Variants in PRKCA observed in about 807,000 individuals in gnomAD.
PRKCA encodes protein kinase C alpha type.
PRKCA carries 27 observed loss-of-function variants against 87.0 expected under a neutral mutation model. The ratio of observed to expected loss-of-function variants is 0.31; its 90% CI spans 0.23 to 0.43. The LOEUF is 0.43. PRKCA is among the 20% of genes least tolerant of loss of function. The pLI is 1.00. For missense variants in PRKCA, 518 were observed against 852.3 expected, an observed-to-expected ratio of 0.61 and a Z score of 4.88; for synonymous variants, 329 against 311.1, an observed-to-expected ratio of 1.06 and a Z score of -0.61.
intron 3 of PRKCA, among the ~76,000 whole-genome samples, chr17:66,586,024 A>G (rs1969585753): frequency 6.6e-6 from 1 of 152,206 alleles, no homozygotes; most frequent in Admixed American, 6.5e-5. Context: ...ACCTTTCTGG[A>G]TGACACAGGT....
At chr17:66,794,143 A>G (rs9915231) in intron 16 of PRKCA, among the ~76,000 whole-genome samples, 20,807 of 152,246 alleles carry the variant, frequency 0.14, 2,736 homozygotes, top group African/African-American at 0.34. Flanking sequence ...TTAACACAAG[A>G]AATGTATTCC....
chr17:66,657,721 C>T (rs1213430382), intron 5 of PRKCA, among the ~76,000 whole-genome samples: 1 of 152,118 alleles, frequency 6.6e-6, no homozygotes, highest in African/African-American at 2.4e-5. Flanking sequence ...AGCACCAGAG[C>T]CCTCCTTACT....
At chr17:66,314,577 C>T (rs1905211750) in intron 2 of PRKCA, among the ~76,000 whole-genome samples, 1 of 152,076 alleles carries the variant, frequency 6.6e-6, no homozygotes, top group South Asian at 2.1e-4. Context: ...CTTGCTGTTC[C>T]CCCTCCAGTA....
intron 3 of PRKCA, among the ~76,000 whole-genome samples, chr17:66,544,594 T>C (rs1968090248): frequency 6.6e-6 from 1 of 152,038 alleles, no homozygotes; most frequent in Non-Finnish European, 1.5e-5. Context: ...ATTACCAATA[T>C]CATTTTTTTT....
At chr17:66,721,976 A>G (rs1397032807) in intron 8 of PRKCA, among the ~76,000 whole-genome samples, 1 of 152,084 alleles carries the variant, frequency 6.6e-6, no homozygotes, top group Non-Finnish European at 1.5e-5. Flanking sequence ...GCTGCCCAGG[A>G]GTTCTATGAT....
chr17:66,535,596 C>T (rs1967750658), intron 3 of PRKCA, among the ~76,000 whole-genome samples: 1 of 152,190 alleles, frequency 6.6e-6, no homozygotes, highest in South Asian at 2.1e-4. Context: ...GCACAAAACA[C>T]AGCTCTCGAG....
At chr17:66,606,989 A>G (rs1396805520) in intron 3 of PRKCA, among the ~76,000 whole-genome samples, 1 of 152,210 alleles carries the variant, frequency 6.6e-6, no homozygotes, top group Non-Finnish European at 1.5e-5. Flanking sequence ...AAAATGACCC[A>G]GCGATGGAGT....
intron 2 of PRKCA, among the ~76,000 whole-genome samples, chr17:66,321,100 A>G (rs1256693779): frequency 6.6e-6 from 1 of 152,248 alleles, no homozygotes; most frequent in Non-Finnish European, 1.5e-5. Flanking sequence ...CAAAATAACA[A>G]TGGACATTTA....
chr17:66,460,385 T>C (rs757817358), intron 2 of PRKCA, among the ~76,000 whole-genome samples: 3 of 149,600 alleles, frequency 2.0e-5, no homozygotes, highest in Non-Finnish European at 4.4e-5. Flanking sequence ...TTGCATTTGA[T>C]AGAGGGGGGA....
intron 3 of PRKCA, among the ~76,000 whole-genome samples, chr17:66,497,745 T>C (rs1392386416): frequency 6.6e-6 from 1 of 152,172 alleles, no homozygotes; most frequent in Non-Finnish European, 1.5e-5. Context: ...AAACTTTAAT[T>C]TGAAAGTGGC....
intron 5 of PRKCA, among the ~76,000 whole-genome samples, chr17:66,682,659 T>A (rs922083119): frequency 1.3e-5 from 2 of 151,934 alleles, no homozygotes; most frequent in African/African-American, 2.4e-5. Flanking sequence ...ATAGATCTTT[T>A]AAAAAAAAAC....
chr17:66,583,712 ATAAGTATTTTTCTTTTTTTGAAGTTGGG>A (rs1027076146), intron 3 of PRKCA, among the ~76,000 whole-genome samples: 4 of 152,148 alleles, frequency 2.6e-5, no homozygotes, highest in African/African-American at 9.7e-5. Flanking sequence ...ATTACAGATG[ATAAGTATTTTTCTTTTTTTGAAGTTGGG>A]TAAGTATTTT....
intron 5 of PRKCA, among the ~76,000 whole-genome samples, chr17:66,653,027 C>T (rs532531595): frequency 6.6e-6 from 1 of 152,368 alleles, no homozygotes; most frequent in South Asian, 2.1e-4. Flanking sequence ...GCCCCTGGCC[C>T]CCGTTAAACA....
intron 5 of PRKCA, among the ~76,000 whole-genome samples, chr17:66,665,406 GT>G (rs1157960645): frequency 6.6e-6 from 1 of 151,858 alleles, no homozygotes; most frequent in Non-Finnish European, 1.5e-5. Context: ...CTGCATGAGT[GT>G]TCATTCAGAA....
intron 5 of PRKCA, among the ~76,000 whole-genome samples, chr17:66,686,400 TC>T (rs929579786): frequency 1.3e-5 from 2 of 152,032 alleles, no homozygotes; most frequent in African/African-American, 4.8e-5. Context: ...TCTAATGAGC[TC>T]CCAGGTGATA....
intron 2 of PRKCA, among the ~76,000 whole-genome samples, chr17:66,368,380 ATATATATTTTTTTTT>A (rs1908877344): frequency 1.0e-4 from 3 of 29,928 alleles, no homozygotes; most frequent in Non-Finnish European, 2.2e-4. Flanking sequence ...ATATATATAT[ATATATATTTTTTTTT>A]TTTTTTTTTT....
chr17:66,742,476 T>C (rs1974178787), intron 12 of PRKCA, 146 bp from the exon 13 acceptor site: 1 of 849,208 alleles, frequency 1.2e-6, no homozygotes, highest in East Asian at 2.5e-5. Context: ...CAACACACAT[T>C]GACTTCTGAT....
chr17:66,567,834 T>C (rs1201987137), intron 3 of PRKCA, among the ~76,000 whole-genome samples: 1 of 152,174 alleles, frequency 6.6e-6, no homozygotes, highest in Non-Finnish European at 1.5e-5. Flanking sequence ...GAAAATCAGA[T>C]GGGAAGAAGT....
intron 2 of PRKCA, among the ~76,000 whole-genome samples, chr17:66,449,919 A>G (rs1215570847): frequency 6.6e-6 from 1 of 151,886 alleles, no homozygotes; most frequent in Non-Finnish European, 1.5e-5. Flanking sequence ...GAAGCAGCCT[A>G]TATTGTACAC....
Sources: allele counts gnomAD v4.1 joint callset (sites outside exome capture counted in the v4.1 genomes callset), GRCh38; gene constraint gnomAD v4.1.1; transcripts MANE v1.5; gene names NCBI Gene and HGNC (gene_info 2026-07-23, HGNC 2026-07-21).